SHOC1: variants seen among roughly 807,000 people sequenced by gnomAD.
The protein encoded by SHOC1 is shortage in chiasmata 1.
A neutral mutation model predicts 179.2 loss-of-function variants in SHOC1; 136 were observed. That is an observed-to-expected ratio of 0.76 (90% CI 0.66 to 0.87). The LOEUF (loss-of-function observed/expected upper bound fraction) is 0.87, where lower values mean the gene tolerates loss of function less well. Ranked by LOEUF, SHOC1 falls within the 40% of genes least tolerant of loss-of-function variation. The probability of loss-of-function intolerance (pLI) is 0.00; values close to 1 mark genes in which losing one functional copy is unlikely to be tolerated. For missense variants in SHOC1, 1,538 were observed against 1,700.8 expected (o/e 0.90, Z 1.68); for synonymous variants, 489 against 586.6 (o/e 0.83, Z 2.41).
At chr9:111,734,706 G>A (rs2131467854) in intron 12 of SHOC1, among the ~76,000 whole-genome samples, 1 of 152,342 alleles carries the variant, frequency 6.6e-6, no homozygotes, top group South Asian at 2.1e-4. Flanking sequence ...AGTGGAAACA[G>A]AGACAGGGAT....
At chr9:111,697,561 T>C (rs2131328926) in intron 24 of SHOC1, among the ~76,000 whole-genome samples, 1 of 152,372 alleles carries the variant, frequency 6.6e-6, no homozygotes, top group Middle Eastern at 3.4e-3. Context: ...ATGATGTATA[T>C]GTGCCACATT....
In SHOC1 at chr9:111,686,789, G is replaced by C. The variant is rs1376159085; in HGVS notation, c.4508C>G (p.Thr1503Ser). ...EKVPGRVDGQTRLRFF is the reference protein window; with the variant it reads ...EKVPGRVDGQSRLRFF ...CCTCCTTCAAAAAAACCTCAGCCGA[G>C]TCTGCCCATCAACTCTACCAGGGAC... Residue 1503 changes from threonine to serine, a missense_variant, in exon 28 of 28, where the codon ACT (threonine) becomes AGT (serine). Coordinates refer to ENST00000682961, the MANE Select transcript of SHOC1 (RefSeq NM_001378211.1). 5 of 1,612,750 alleles carry C rather than the reference G, an allele frequency of 3.1e-6. No homozygotes were observed. In the Admixed American group the frequency reaches 8.3e-5, roughly 27 times the overall value.
chr9:111,784,417 C>T (rs1461662215), intron 3 of SHOC1, among the ~76,000 whole-genome samples: 6 of 152,118 alleles, frequency 3.9e-5, no homozygotes, highest in African/African-American at 9.7e-5. Context: ...CTCACATCTC[C>T]GTTACTATAA....
chr9:111,713,133 GT>G lies in SHOC1; in HGVS notation c.2454del (p.Lys818AsnfsTer11). On this transcript the variant is annotated frameshift_variant, in exon 18 of 28. Transcript: ENST00000682961. LOFTEE classifies it high-confidence loss of function. ...TTGTTAAGAATTTTAATGAGAAAAT[GT>G]TTTTCACCGTCTGAGTCCATTCTTA... ...IIIRMDSDGE[K>X]HFLIKILNKI... 6.4e-7 allele frequency: 1 copy of G among 1,572,896 alleles called. No homozygotes were observed. The highest frequency in any genetic ancestry group is 1.1e-5 in the South Asian group (1 of 88,656).
intron 13 of SHOC1, among the ~76,000 whole-genome samples, chr9:111,726,235 G>A (rs1057124093): frequency 2.0e-5 from 3 of 152,068 alleles, no homozygotes; most frequent in African/African-American, 4.8e-5. Context: ...AGTTGAATAT[G>A]TAGAAATAGA....
intron 19 of SHOC1, among the ~76,000 whole-genome samples, 194 bp downstream of exon 19, chr9:111,707,661 C>T (rs192938348): frequency 9.2e-4 from 140 of 152,078 alleles, no homozygotes; most frequent in Admixed American, 5.0e-3. Flanking sequence ...CATTTCTGGA[C>T]GCCAATAACA....
chr9:111,751,506 G>T (rs922558333), intron 8 of SHOC1, among the ~76,000 whole-genome samples: 1 of 151,966 alleles, frequency 6.6e-6, no homozygotes, highest in Admixed American at 6.6e-5. Flanking sequence ...TATAATACAT[G>T]TATTTCAATA....
At chr9:111,769,557 C>G (rs890232305) in intron 5 of SHOC1, among the ~76,000 whole-genome samples, 8 of 152,162 alleles carry the variant, frequency 5.3e-5, no homozygotes, top group Non-Finnish European at 1.2e-4. Flanking sequence ...CTCACTGCAG[C>G]ATTAACCTCC....
chr9:111,727,553 C>G, intron 13 of SHOC1, 80 bp downstream of exon 13: 1 of 1,224,702 alleles, frequency 8.2e-7, no homozygotes. Context: ...AGAACTTTAT[C>G]TCCTTGCCTT....
intron 3 of SHOC1, among the ~76,000 whole-genome samples, chr9:111,782,391 C>T (rs537896478): frequency 4.6e-5 from 7 of 152,092 alleles, no homozygotes; most frequent in East Asian, 1.9e-4. Context: ...TTCAGAGTGT[C>T]GTTGTAAAGA....
intron 18 of SHOC1, among the ~76,000 whole-genome samples, chr9:111,710,935 A>T (rs1426091828): frequency 6.6e-6 from 1 of 152,188 alleles, no homozygotes; most frequent in Non-Finnish European, 1.5e-5. Context: ...TATAGAGGGA[A>T]GAGAAACGGT....
At chr9:111,734,680 G>C (rs7037311) in intron 12 of SHOC1, among the ~76,000 whole-genome samples, 29,422 of 152,142 alleles carry the variant, frequency 0.19, 3,005 homozygotes, top group Non-Finnish European at 0.22. Flanking sequence ...AGCCACAGGA[G>C]TACACTATAG....
chr9:111,793,999 G>T (rs1220342800), intron 1 of SHOC1, among the ~76,000 whole-genome samples: 1 of 151,874 alleles, frequency 6.6e-6, no homozygotes. Flanking sequence ...TTACAGGCGG[G>T]TGCCACCATG....
intron 11 of SHOC1, among the ~76,000 whole-genome samples, chr9:111,741,149 T>A (rs1834020658): frequency 6.6e-6 from 1 of 152,232 alleles, no homozygotes; most frequent in Non-Finnish European, 1.5e-5. Flanking sequence ...TTTTTTATTT[T>A]TATTTTTTTT....
intron 27 of SHOC1, 97 bp downstream of exon 27, chr9:111,691,454 G>C: frequency 8.8e-7 from 1 of 1,138,204 alleles, no homozygotes. Flanking sequence ...TTTTTTAAAT[G>C]TAGTAATTAA....
In SHOC1 at chr9:111,686,692, G is replaced by T; in HGVS notation, c.*78C>A. 1 of 903,648 alleles carries T rather than the reference G, an allele frequency of 1.1e-6. No individual in the cohort carries two copies. Among genetic ancestry groups the T allele is most frequent in the Non-Finnish European group, 1.8e-6 (1 of 552,386 alleles). 56.0% of individuals were successfully genotyped at this position (903,648 alleles called of 1,614,324 possible). ...CAATTGTGTTTTCTTTAGTGTATGA[G>T]CAAATCTAAATAATTGCGCTAGTGG... On this transcript the variant is annotated 3_prime_UTR_variant, in exon 28 of 28. Coordinates refer to ENST00000682961, the MANE Select transcript of SHOC1 (RefSeq NM_001378211.1).
intron 11 of SHOC1, 100 bp from the exon 12 acceptor site, chr9:111,738,622 CATTTTT>C: frequency 1.9e-6 from 2 of 1,042,646 alleles, no homozygotes; most frequent in Non-Finnish European, 2.6e-6. Flanking sequence ...TTATGAAATG[CATTTTT>C]ATGCATTAGA....
At chr9:111,720,657 C>A (rs901715565) in intron 15 of SHOC1, among the ~76,000 whole-genome samples, 2 of 152,074 alleles carry the variant, frequency 1.3e-5, no homozygotes, top group African/African-American at 4.8e-5. Flanking sequence ...TTCTTTCATG[C>A]TTTACAGTTT....
intron 5 of SHOC1, among the ~76,000 whole-genome samples, chr9:111,765,604 AC>A (rs1390025782): frequency 6.8e-6 from 1 of 148,146 alleles, no homozygotes; most frequent in African/African-American, 2.7e-5. Context: ...ACAAAACAAA[AC>A]AAAACAAAAA....
Sources: allele counts gnomAD v4.1 joint callset (sites outside exome capture counted in the v4.1 genomes callset), GRCh38; gene constraint gnomAD v4.1.1; transcripts MANE v1.5; gene names NCBI Gene and HGNC (gene_info 2026-07-23, HGNC 2026-07-21).